GLB1L3: variants seen among roughly 807,000 people sequenced by gnomAD.
GLB1L3 encodes beta-galactosidase-1-like protein 3.
GLB1L3 carries 89 observed loss-of-function variants against 89.5 expected under a neutral mutation model. The ratio of observed to expected loss-of-function variants is 0.99; its 90% CI spans 0.84 to 1.19. GLB1L3 has a LOEUF of 1.19. GLB1L3 is among the 50% of genes most tolerant of loss of function. The probability of loss-of-function intolerance (pLI) is 0.00; values close to 1 mark genes in which losing one functional copy is unlikely to be tolerated. For missense variants in GLB1L3, 812 were observed against 813.3 expected (o/e 1.00, Z 0.02); for synonymous variants, 314 against 312.3 (o/e 1.01, Z -0.06).
intron 3 of GLB1L3, 123 bp downstream of exon 3, chr11:134,278,035 C>A (rs1940476969): frequency 2.3e-6 from 2 of 867,818 alleles, no homozygotes; most frequent in African/African-American, 1.7e-5. Context: ...TCGTTTCCAG[C>A]ACATACATTT....
At chr11:134,317,175 G>T (rs907497506) in intron 18 of GLB1L3, 1 of 152,136 alleles carries the variant, frequency 6.6e-6, no homozygotes, top group African/African-American at 2.4e-5. Context: ...AGCACTTCTT[G>T]TAAAGCAGGT....
downstream of GLB1L3, among the ~76,000 whole-genome samples, chr11:134,322,589 C>T (rs1160759989): frequency 6.6e-6 from 1 of 152,102 alleles, no homozygotes; most frequent in Non-Finnish European, 1.5e-5. Flanking sequence ...CCCTTTCCAC[C>T]CAGCCCCTGG....
chr11:134,287,052 T>A (rs1216405064), intron 6 of GLB1L3: 2 of 151,292 alleles, frequency 1.3e-5, no homozygotes, highest in African/African-American at 4.9e-5. Context: ...TCCCAGCTAC[T>A]CGGGAGGCTG....
At chr11:134,312,510 G>A (rs370507742) in intron 14 of GLB1L3, 21 bp downstream of exon 14, 2 of 1,607,576 alleles carry the variant, frequency 1.2e-6, no homozygotes, top group East Asian at 4.5e-5. Flanking sequence ...CAGGCTGTCT[G>A]TGTGGGAAGC....
downstream of GLB1L3, among the ~76,000 whole-genome samples, chr11:134,324,467 C>T (rs1369104475): frequency 6.6e-6 from 1 of 152,128 alleles, no homozygotes; most frequent in African/African-American, 2.4e-5. Context: ...TATTTAGTCT[C>T]TGCAGACTCA....
intron 3 of GLB1L3, among the ~76,000 whole-genome samples, chr11:134,281,162 G>A (rs1940663082): frequency 6.6e-6 from 1 of 152,202 alleles, no homozygotes; most frequent in African/African-American, 2.4e-5. Flanking sequence ...CAGCATCATA[G>A]GATAATTGGC....
chr11:134,310,960 C>A, intron 12 of GLB1L3, 104 bp from the exon 13 acceptor site: 1 of 785,018 alleles, frequency 1.3e-6, no homozygotes, highest in Non-Finnish European at 2.2e-6. Context: ...GACATAGTAA[C>A]CCCCAATATG....
intron 3 of GLB1L3, among the ~76,000 whole-genome samples, chr11:134,280,301 A>C (rs900589620): frequency 3.3e-5 from 5 of 152,208 alleles, no homozygotes; most frequent in Non-Finnish European, 7.3e-5. Context: ...GTGACATAGT[A>C]CATGCCAATA....
Position 134,310,730 on chromosome 11 carries a change from G to C in GLB1L3, c.1180+79G>C, listed in dbSNP as rs1591586254. The C allele has an allele frequency of 3.6e-6, 4 of 1,115,172 alleles. No homozygotes were observed. The African/African-American group carries it at 4.6e-5, about 13-fold the overall frequency. 69.1% of individuals were successfully genotyped at this position (1,115,172 alleles called of 1,614,324 possible). ...TTCTGTGGAAAAGTGAGGAAGGCGT[G>C]GGTCTCCCTTGTGGGCAGCAGTTAC... On this transcript the variant is annotated intron_variant, in intron 12 of 19. Transcript: ENST00000431683.
chr11:134,292,655 G>A (rs1219880201), intron 8 of GLB1L3: 1 of 226,972 alleles, frequency 4.4e-6, no homozygotes, highest in African/African-American at 2.3e-5. Flanking sequence ...GCTCTGTGTG[G>A]ACACTTAGGA....
Position 134,276,586 on chromosome 11 carries a change from C to T in GLB1L3, c.-155C>T, listed in dbSNP as rs145395751. On this transcript the variant is annotated 5_prime_UTR_variant, in exon 1 of 20. Coordinates refer to ENST00000431683, the MANE Select transcript of GLB1L3 (RefSeq NM_001080407.3). ...TGGGACCCGGACCCGGCGCCCGCGCCTCGGGACGGATTTCTGCCTCGGCTG... is the reference window on the plus strand; with the variant it reads ...TGGGACCCGGACCCGGCGCCCGCGCTTCGGGACGGATTTCTGCCTCGGCTG... 350 of 659,712 alleles carry T rather than the reference C, an allele frequency of 5.3e-4. 1 individual carries two copies. In the African/African-American group the frequency reaches 6.0e-3, roughly 11 times the overall value. 40.9% of individuals were successfully genotyped at this position (659,712 alleles called of 1,614,324 possible).
At chr11:134,324,803 T>C in the GLB1L3 span, among the ~76,000 whole-genome samples, 1 of 152,080 alleles carries the variant, frequency 6.6e-6, no homozygotes, top group Non-Finnish European at 1.5e-5. Flanking sequence ...ATGCATGTTG[T>C]TTAGTGTAAT....
chr11:134,302,398 T>C (rs1941989492), intron 9 of GLB1L3, among the ~76,000 whole-genome samples: 1 of 152,212 alleles, frequency 6.6e-6, no homozygotes, highest in African/African-American at 2.4e-5. Context: ...GATTTATATT[T>C]TTATTTTTTC....
At chr11:134,295,021 A>G (rs956970538) in intron 9 of GLB1L3, among the ~76,000 whole-genome samples, 1 of 152,156 alleles carries the variant, frequency 6.6e-6, no homozygotes, top group Non-Finnish European at 1.5e-5. Context: ...CAGTTTATTC[A>G]TATTTTTGTT....
At chr11:134,281,546 G>A (rs1311762376) in intron 4 of GLB1L3, 101 bp downstream of exon 4, 2 of 1,225,878 alleles carry the variant, frequency 1.6e-6, no homozygotes, top group Admixed American at 3.4e-5. Flanking sequence ...AGGGACGTGG[G>A]TCTGGAGTCC....
In GLB1L3 at chr11:134,312,375, C is replaced by T. The variant is rs1214451173; in HGVS notation, c.1314C>T (p.Asn438=). 2.5e-6 allele frequency: 4 copies of T among 1,613,804 alleles called. No homozygotes were observed. The change falls in exon 14 of 20, where the codon AAC becomes AAT. Residue 438 remains asparagine (N), a synonymous_variant. Coordinates refer to ENST00000431683, the MANE Select transcript of GLB1L3 (RefSeq NM_001080407.3). ...CAGTCAGGTCGCGTCAGCCCGTCAA[C>T]ATGGAGAACCTTCCCATAAACAATG... ...NEPVRSRQPV[N]MENLPINNGS...
In GLB1L3 at chr11:134,314,006, A is replaced by G. The variant is rs762445261; in HGVS notation, c.1645A>G (p.Met549Val). 6.2e-7 allele frequency: 1 copy of G among 1,611,880 alleles called. No individual in the cohort carries two copies. The highest frequency in any genetic ancestry group is 1.3e-5 in the African/African-American group (1 of 74,992). ...GGGCTTTACCATCTATTCCCTGGAG[A>G]TGAAAATGAGCTTCTTTGAGAGGTA... ...LEGFTIYSLE[M>V]KMSFFERLRS... Residue 549 changes from methionine (M) to valine (V), a missense_variant, in exon 17 of 20, where the codon ATG (methionine) becomes GTG (valine). This residue lies in a region of GLB1L3 where 618 missense variants were observed against 604.0 expected (regional missense o/e 1.02). Transcript: ENST00000431683.
At chr11:134,286,919 G>A (rs946236910) in intron 6 of GLB1L3, among the ~76,000 whole-genome samples, 10 of 151,538 alleles carry the variant, frequency 6.6e-5, no homozygotes, top group African/African-American at 2.4e-4. Context: ...CCAGCACTTT[G>A]GGAGGCCGAG....
intron 16 of GLB1L3, 67 bp downstream of exon 16, chr11:134,313,541 G>C: frequency 3.8e-6 from 5 of 1,311,748 alleles, no homozygotes; most frequent in Non-Finnish European, 5.4e-6. Flanking sequence ...CACTGGAGTC[G>C]GGGGCGGGAG....
Sources: gnomAD v4.1 joint callset for allele counts (sites outside exome capture counted in the v4.1 genomes callset) on GRCh38, gnomAD v4.1.1 for gene constraint, gnomAD v4.1.1 regional missense constraint, MANE v1.5 for transcripts, NCBI Gene and HGNC (gene_info 2026-07-23, HGNC 2026-07-21) for gene names.